The following ALDH1L1 variants were observed in gnomAD, a reference collection of about 807,000 sequenced individuals.
ALDH1L1 encodes the protein cytosolic 10-formyltetrahydrofolate dehydrogenase.
ALDH1L1 carries 68 observed loss-of-function variants against 101.1 expected under a neutral mutation model. That is an observed-to-expected ratio of 0.67 (90% confidence interval 0.55 to 0.82). The LOEUF is 0.82. ALDH1L1 is among the 40% of genes least tolerant of loss of function. ALDH1L1 has a pLI of 0.00. For missense variants in ALDH1L1, 1,087 were observed against 1,172.7 expected, an observed-to-expected ratio of 0.93 and a Z score of 1.07; for synonymous variants, 486 against 470.8, an observed-to-expected ratio of 1.03 and a Z score of -0.42.
chr3:126,130,417 G>A, intron 13 of ALDH1L1, 124 bp from the exon 14 acceptor site: 1 of 775,942 alleles, frequency 1.3e-6, no homozygotes, highest in Non-Finnish European at 1.8e-6. Context: ...TGTGACCTGA[G>A]GCTTGAGAGA....
In ALDH1L1 at chr3:126,131,926, C is replaced by T. The variant is rs1576438649; in HGVS notation, c.1473-392G>A. Among the ~76,000 whole-genome samples, 4 of 152,378 alleles carry T rather than the reference C, an allele frequency of 2.6e-5. No homozygotes were observed. The East Asian group carries it at 5.8e-4, about 22-fold the overall frequency. On this transcript the variant is annotated intron_variant, in intron 12 of 22. Coordinates refer to ENST00000393434, the MANE Select transcript of ALDH1L1 (RefSeq NM_012190.4). ...AAGCTTGAACCAGGAGAAAGTCCAT[C>T]TGTCTTTCCAGCACCAATAAACCAA...
chr3:126,158,284 G>A, intron 3 of ALDH1L1, 121 bp downstream of exon 3: 1 of 952,970 alleles, frequency 1.0e-6, no homozygotes, highest in Non-Finnish European at 1.6e-6. Flanking sequence ...CCACAGGACA[G>A]GCACCTGCAC....
At chr3:126,159,310 T>G (rs1343631030) in intron 2 of ALDH1L1, 1 of 405,120 alleles carries the variant, frequency 2.5e-6, no homozygotes, top group East Asian at 7.0e-5. Context: ...CACACCCTCC[T>G]CACAGGTCTG....
intron 9 of ALDH1L1, among the ~76,000 whole-genome samples, chr3:126,139,333 A>G (rs1321693016): frequency 6.6e-6 from 1 of 152,274 alleles, no homozygotes; most frequent in African/African-American, 2.4e-5. Flanking sequence ...ACAACACACA[A>G]TAAGGAACAC....
chr3:126,182,968 C>T (rs919254520), upstream of ALDH1L1, among the ~76,000 whole-genome samples: 9 of 152,090 alleles, frequency 5.9e-5, no homozygotes, highest in African/African-American at 1.9e-4. Flanking sequence ...TAAAAAGGAA[C>T]CATAACTTGG....
chr3:126,158,491 C>T lies in ALDH1L1; in HGVS notation c.276G>A (p.Met92Ile). 1.9e-6 allele frequency: 3 copies of T among 1,614,168 alleles called. No individual in the cohort carries two copies. Among genetic ancestry groups the T allele is most frequent in the Middle Eastern group, 1.6e-4 (1 of 6,062 alleles). Residue 92 changes from methionine (M) to isoleucine (I), a missense_variant, in exon 3 of 23, where the codon ATG (methionine) becomes ATA (isoleucine). By Grantham distance (10) the Met-to-Ile change is conservative. Coordinates refer to ENST00000393434, the MANE Select transcript of ALDH1L1 (RefSeq NM_012190.4). ...VLPFCSQFIP[M>I]EIISAPRHGS... ...CATGCCGGGGGGCACTGATTATCTC[C>T]ATGGGGATGAATTGGCTGCAGAAGG...
chr3:126,107,318 G>A, intron 20 of ALDH1L1, 72 bp from the exon 21 acceptor site: 2 of 1,305,936 alleles, frequency 1.5e-6, no homozygotes, highest in Non-Finnish European at 2.2e-6. Flanking sequence ...CCGTCAGCAG[G>A]GCCTGGGCCA....
chr3:126,124,158 T>G (rs2080133108), intron 16 of ALDH1L1, among the ~76,000 whole-genome samples: 1 of 150,694 alleles, frequency 6.6e-6, no homozygotes, highest in Non-Finnish European at 1.5e-5. Context: ...CTGGAATACA[T>G]TCAGCTGGGG....
intron 11 of ALDH1L1, 81 bp from the exon 12 acceptor site, chr3:126,135,743 C>G (rs1349724355): frequency 2.8e-6 from 4 of 1,429,276 alleles, no homozygotes; most frequent in African/African-American, 1.5e-5. Context: ...CTGGCCTCCT[C>G]CTGGGGCCCC....
chr3:126,150,659 AT>A (rs2080792365), intron 7 of ALDH1L1, 128 bp from the exon 8 acceptor site: 1 of 1,161,056 alleles, frequency 8.6e-7, no homozygotes, highest in Non-Finnish European at 1.2e-6. Flanking sequence ...GGTTGAAGCG[AT>A]TCTCCTGCCT....
At chr3:126,169,707 T>C (rs1384859209) in intron 1 of ALDH1L1, among the ~76,000 whole-genome samples, 1 of 152,194 alleles carries the variant, frequency 6.6e-6, no homozygotes. Flanking sequence ...TTATCTCAAA[T>C]TCCTTCTATG....
At position 126,146,926 on chromosome 3, in the gene ALDH1L1, T is replaced by C. The variant is rs767049552; in HGVS notation, c.985A>G (p.Ser329Gly). Reference protein sequence around the residue: ...AELVTAEAVRSVWQRILPKVL... With the variant: ...AELVTAEAVRGVWQRILPKVL... ...TTGGGGAGGATCCGCTGCCAAACAC[T>C]CTGCAAAGCAAGACCTGATGAGAGG... Residue 329 changes from serine to glycine, a missense_variant and splice_region_variant, in exon 9 of 23, where the codon AGT becomes GGT. This residue lies in a region of ALDH1L1 where 645 missense variants were observed against 637.0 expected (regional missense o/e 1.01). Coordinates refer to ENST00000393434, the MANE Select transcript of ALDH1L1 (RefSeq NM_012190.4). 1.2e-6 allele frequency: 2 copies of C among 1,613,276 alleles called. No individual in the cohort carries two copies. Among genetic ancestry groups the C allele is most frequent in the East Asian group, 4.5e-5 (2 of 44,846 alleles).
intron 6 of ALDH1L1, among the ~76,000 whole-genome samples, chr3:126,154,268 G>A (rs953777491): frequency 6.6e-6 from 1 of 152,198 alleles, no homozygotes; most frequent in African/African-American, 2.4e-5. Context: ...CGCAAGCCCA[G>A]TGGTGAGACT....
At chr3:126,126,263 G>A (rs1301177957) in intron 14 of ALDH1L1, among the ~76,000 whole-genome samples, 1 of 152,214 alleles carries the variant, frequency 6.6e-6, no homozygotes, top group African/African-American at 2.4e-5. Flanking sequence ...GCCAGGCACA[G>A]GTGCCTCATA....
At chr3:126,166,869 C>T (rs1442335670) in intron 1 of ALDH1L1, among the ~76,000 whole-genome samples, 1 of 152,180 alleles carries the variant, frequency 6.6e-6, no homozygotes, top group African/African-American at 2.4e-5. Flanking sequence ...ACTTTTGCCA[C>T]TGGGGAATTC....
At chr3:126,113,553 G>A (rs976063918) in intron 18 of ALDH1L1, among the ~76,000 whole-genome samples, 6 of 152,174 alleles carry the variant, frequency 3.9e-5, no homozygotes, top group African/African-American at 1.4e-4. Context: ...CCAATGACAG[G>A]GCCCCGACCT....
rs1405335236 is a variant in ALDH1L1, at chr3:126,114,579, T to A, written c.2060A>T (p.Asp687Val). 1.3e-6 allele frequency: 2 copies of A among 1,508,798 alleles called. No homozygotes were observed. The highest frequency in any genetic ancestry group is 2.7e-5 in the South Asian group (2 of 74,020). The allele number at this position is 1,508,798 out of a possible 1,614,324, so 93.5% of individuals were successfully genotyped here. ...KSPLIIFADC[D>V]LNKAVQMGMS... is the part of the protein sequence containing the mutation. ...CACCATCTGCACAGCCTTGTTGAGG[T>A]CACAGTCAGCAAAGATGATGAGGGG... Residue 687 changes from aspartate (D) to valine (V), a missense_variant, in exon 18 of 23, where the codon GAC (aspartate) becomes GTC (valine). Transcript: ENST00000393434.
intron 4 of ALDH1L1, 53 bp from the exon 5 acceptor site, chr3:126,155,556 C>G: frequency 1.3e-6 from 2 of 1,511,454 alleles, no homozygotes; most frequent in Non-Finnish European, 9.0e-7. Flanking sequence ...TGCCTCCTTC[C>G]CAGCCCCAGG....
In ALDH1L1 at chr3:126,143,210, G is replaced by A. The variant is rs144200365; in HGVS notation, c.1076+3625C>T. 1.6e-3 allele frequency among the ~76,000 whole-genome samples: 240 copies of A among 152,262 alleles called. 1 individual carries two copies. In the Middle Eastern group the frequency reaches 0.024, roughly 15 times the overall value. On this transcript the variant is annotated intron_variant, in intron 9 of 22. Transcript: ENST00000393434. ...ACAAAGCATAATTTCTACTGAATTC[G>A]TATCATGTTCACACCATCATAAAGT...
Sources: allele counts gnomAD v4.1 joint callset (sites outside exome capture counted in the v4.1 genomes callset), GRCh38; gene constraint gnomAD v4.1.1; regional missense constraint gnomAD v4.1.1; transcripts MANE v1.5; gene names NCBI Gene and HGNC (gene_info 2026-07-23, HGNC 2026-07-21).